VPS13B: variants seen among roughly 807,000 people sequenced by gnomAD.
VPS13B encodes the protein intermembrane lipid transfer protein VPS13B.
Under a neutral mutation model 426.4 loss-of-function variants are expected in VPS13B, and 285 were observed. The ratio of observed to expected loss-of-function variants is 0.67; its 90% CI spans 0.61 to 0.74. The LOEUF is 0.74. Among genes scored for constraint, VPS13B ranks in the 30% least tolerant of loss-of-function variants. The pLI, the probability that VPS13B is intolerant of heterozygous loss-of-function variation, is 0.00. For missense variants in VPS13B, 4,537 were observed against 4,782.6 expected (o/e 0.95, Z 1.51); for synonymous variants, 1,676 against 1,676.4 (o/e 1.00, Z 0.01).
intron 3 of VPS13B, among the ~76,000 whole-genome samples, chr8:99,085,391 T>G (rs942382218): frequency 6.6e-6 from 1 of 152,182 alleles, no homozygotes; most frequent in Non-Finnish European, 1.5e-5. Flanking sequence ...CACTTAATGG[T>G]TCTTGACTCT....
At chr8:99,246,390 C>G (rs1817220616) in intron 17 of VPS13B, among the ~76,000 whole-genome samples, 1 of 152,140 alleles carries the variant, frequency 6.6e-6, no homozygotes, top group Non-Finnish European at 1.5e-5. Context: ...GACCCATGGA[C>G]CAAATCCAGC....
At chr8:99,285,758 T>TA (rs1403164000) in intron 19 of VPS13B, among the ~76,000 whole-genome samples, 2 of 152,118 alleles carry the variant, frequency 1.3e-5, no homozygotes, top group Admixed American at 1.3e-4. Context: ...ATAAAACACT[T>TA]ACGGGTGAAA....
At chr8:99,708,371 C>T (rs1222070622) in intron 36 of VPS13B, among the ~76,000 whole-genome samples, 1 of 152,088 alleles carries the variant, frequency 6.6e-6, no homozygotes, top group Non-Finnish European at 1.5e-5. Context: ...TAAAAAATAC[C>T]TTTCCCAGAC....
intron 21 of VPS13B, among the ~76,000 whole-genome samples, chr8:99,413,918 A>C (rs554665247): frequency 9.2e-5 from 14 of 152,160 alleles, no homozygotes; most frequent in Non-Finnish European, 1.5e-4. Flanking sequence ...TTTGGGGTGG[A>C]GAGTTCTGTC....
intron 25 of VPS13B, among the ~76,000 whole-genome samples, chr8:99,485,142 A>G (rs368783573): frequency 2.2e-4 from 33 of 152,186 alleles, no homozygotes; most frequent in Admixed American, 2.1e-3. Flanking sequence ...TTGAAACCCT[A>G]CTAGGGTTAA....
intron 19 of VPS13B, among the ~76,000 whole-genome samples, chr8:99,334,753 G>A (rs932589125): frequency 2.6e-5 from 4 of 151,992 alleles, no homozygotes; most frequent in South Asian, 2.1e-4. Flanking sequence ...TGCTGGATTC[G>A]GTTTGCCAGT....
intron 19 of VPS13B, among the ~76,000 whole-genome samples, chr8:99,309,163 T>A (rs1402207333): frequency 2.0e-5 from 3 of 152,342 alleles, no homozygotes; most frequent in East Asian, 3.9e-4. Context: ...TTTCTTTTGC[T>A]GTGCAGAAGC....
At chr8:99,677,576 A>G (rs1221889973) in intron 35 of VPS13B, among the ~76,000 whole-genome samples, 1 of 152,196 alleles carries the variant, frequency 6.6e-6, no homozygotes, top group Non-Finnish European at 1.5e-5. Flanking sequence ...AATGAGAAAA[A>G]TTACCTAGCT....
chr8:99,748,787 G>A (rs546438453), intron 39 of VPS13B, among the ~76,000 whole-genome samples: 27 of 151,920 alleles, frequency 1.8e-4, no homozygotes, highest in African/African-American at 6.3e-4. Flanking sequence ...CTCTCTATTC[G>A]CAGTTTCCTT....
At chr8:99,397,490 G>T (rs970141067) in intron 21 of VPS13B, among the ~76,000 whole-genome samples, 1 of 152,012 alleles carries the variant, frequency 6.6e-6, no homozygotes, top group African/African-American at 2.4e-5. Flanking sequence ...TCATTTCAAG[G>T]TGTAATATTT....
intron 3 of VPS13B, among the ~76,000 whole-genome samples, chr8:99,054,462 T>A (rs1843727372): frequency 6.6e-6 from 1 of 152,252 alleles, no homozygotes; most frequent in Non-Finnish European, 1.5e-5. Flanking sequence ...GTAGAGTAGG[T>A]CCTTAGCAGA....
At position 99,818,747 on chromosome 8, in the gene VPS13B, A is replaced by C; in HGVS notation, c.8480A>C (p.His2827Pro). 6.2e-7 allele frequency: 1 copy of C among 1,614,026 alleles called. No individual in the cohort carries two copies. The highest frequency in any genetic ancestry group is 8.5e-7 in the Non-Finnish European group (1 of 1,179,966). Residue 2827 changes from histidine (H) to proline (P), a missense_variant, in exon 47 of 62, where the codon CAT (histidine) becomes CCT (proline). Coordinates refer to ENST00000357162, the MANE Select transcript of VPS13B (RefSeq NM_152564.5). ...VFSPLFIMRS[H>P]LPDPIIIHLE... The stretch of plus-strand genomic sequence containing the variant: ...AGCCCTCTTTTTATCATGAGGAGTC[A>C]TCTTCCAGACCCCATTATCATACAT...
At chr8:99,425,005 T>A (rs967224668) in intron 21 of VPS13B, among the ~76,000 whole-genome samples, 1 of 151,988 alleles carries the variant, frequency 6.6e-6, no homozygotes, top group Non-Finnish European at 1.5e-5. Context: ...CCCTTCCAAG[T>A]CTAAACCAGG....
intron 61 of VPS13B, among the ~76,000 whole-genome samples, chr8:99,872,229 T>A (rs117383310): frequency 1.2e-4 from 19 of 152,122 alleles, no homozygotes; most frequent in African/African-American, 4.6e-4. Flanking sequence ...GCAAGGGGCA[T>A]CATGAAACAA....
At chr8:99,524,909 G>A (rs771773899) in intron 30 of VPS13B, among the ~76,000 whole-genome samples, 1 of 152,316 alleles carries the variant, frequency 6.6e-6, no homozygotes, top group African/African-American at 2.4e-5. Flanking sequence ...AGGAAAAACA[G>A]TTGTACCCTA....
intron 56 of VPS13B, among the ~76,000 whole-genome samples, chr8:99,856,164 A>G (rs907041433): frequency 6.6e-6 from 1 of 152,258 alleles, no homozygotes; most frequent in Non-Finnish European, 1.5e-5. Flanking sequence ...AGCTTTCACA[A>G]GAACATTCTA....
At chr8:99,799,189 G>T (rs1277373428) in intron 43 of VPS13B, 1 of 152,210 alleles carries the variant, frequency 6.6e-6, no homozygotes, top group Non-Finnish European at 1.5e-5. Context: ...TGGAATGTTG[G>T]ATGACTTCAT....
intron 3 of VPS13B, among the ~76,000 whole-genome samples, chr8:99,071,684 T>A (rs1844860151): frequency 6.6e-6 from 1 of 152,030 alleles, no homozygotes; most frequent in Non-Finnish European, 1.5e-5. Context: ...TAGCCCAGGG[T>A]GGGTCTAGAA....
At chr8:99,642,728 G>A (rs567437111) in intron 34 of VPS13B, among the ~76,000 whole-genome samples, 1 of 152,084 alleles carries the variant, frequency 6.6e-6, no homozygotes, top group Non-Finnish European at 1.5e-5. Flanking sequence ...TCTTTTTCCA[G>A]GAACTGAATG....
Sources: gnomAD v4.1 joint callset for allele counts (sites outside exome capture counted in the v4.1 genomes callset) on GRCh38, gnomAD v4.1.1 for gene constraint, MANE v1.5 for transcripts, NCBI Gene and HGNC (gene_info 2026-07-23, HGNC 2026-07-21) for gene names.